Variants in CABP5 observed in about 807,000 individuals in gnomAD.
CABP5 encodes the protein calcium binding protein 5.
CABP5 carries 17 observed loss-of-function variants against 21.9 expected under a neutral mutation model. The observed-to-expected ratio is 0.78, with a 90% CI of 0.53 to 1.17. The LOEUF is 1.17. Among genes scored for constraint, CABP5 ranks in the 50% most tolerant of loss-of-function variants. CABP5 has a pLI of 0.00. For missense variants in CABP5, 229 were observed against 228.9 expected, an observed-to-expected ratio of 1.00 and a Z score of 0.00; for synonymous variants, 85 against 79.4, an observed-to-expected ratio of 1.07 and a Z score of -0.37.
At chr19:48,034,016 A>G (rs3745750) in intron 5 of CABP5, among the ~76,000 whole-genome samples, 199 bp downstream of exon 5, 45,886 of 152,000 alleles carry the variant, frequency 0.3, 7,819 homozygotes, top group Non-Finnish European at 0.38. Flanking sequence ...ACCAGAAGTG[A>G]GCGACACCCA....
At chr19:48,034,520 GT>G (rs35163057) in intron 4 of CABP5, among the ~76,000 whole-genome samples, 158 bp from the exon 5 acceptor site, 43,472 of 138,360 alleles carry the variant, frequency 0.31, 7,301 homozygotes, top group Non-Finnish European at 0.4. Flanking sequence ...GTTTTGTTCT[GT>G]TTTTTTTTTT....
chr19:48,031,626 T>C (rs1173957509), intron 5 of CABP5, among the ~76,000 whole-genome samples: 1 of 152,104 alleles, frequency 6.6e-6, no homozygotes, highest in Non-Finnish European at 1.5e-5. Context: ...ACTTTACAGA[T>C]AAGGAAACTT....
Position 48,039,336 on chromosome 19 carries a change from G to C in CABP5, c.239-19C>G, listed in dbSNP as rs781264120. The C allele has an allele frequency of 1.9e-6, 3 of 1,590,888 alleles. No homozygotes were observed. The African/African-American group carries it at 4.0e-5, about 21-fold the overall frequency. ...CCACCCACTGAGGAAGATGGCACAGGATTAGCGAGACCCCACAAGCCCTGG... is the reference window on the plus strand; with the variant it reads ...CCACCCACTGAGGAAGATGGCACAGCATTAGCGAGACCCCACAAGCCCTGG... On this transcript the variant is annotated intron_variant, in intron 3 of 5. Coordinates refer to ENST00000293255, the MANE Select transcript of CABP5 (RefSeq NM_019855.5).
chr19:48,041,896 G>C (rs1423094272), intron 1 of CABP5, among the ~76,000 whole-genome samples: 1 of 151,988 alleles, frequency 6.6e-6, no homozygotes, highest in African/African-American at 2.4e-5. Context: ...TAAACACTGG[G>C]GAGTCCAATC....
At chr19:48,037,356 C>A (rs1237441734) in intron 4 of CABP5, among the ~76,000 whole-genome samples, 2 of 140,136 alleles carry the variant, frequency 1.4e-5, no homozygotes, top group Non-Finnish European at 3.0e-5. Flanking sequence ...GCAACCTCTG[C>A]CTCCCGGGTT....
chr19:48,035,846 C>T (rs565729217), intron 4 of CABP5, among the ~76,000 whole-genome samples: 1 of 152,212 alleles, frequency 6.6e-6, no homozygotes, highest in East Asian at 1.9e-4. Context: ...TGTCATGGGA[C>T]GTTGTCAGGA....
At chr19:48,031,521 C>T (rs1037582037) in intron 5 of CABP5, among the ~76,000 whole-genome samples, 22 of 152,240 alleles carry the variant, frequency 1.4e-4, no homozygotes, top group Admixed American at 5.2e-4. Context: ...GCCTGGGTGA[C>T]GGAGTGAGAC....
rs1967318240 is a variant in CABP5 at position 48,029,898 on chromosome 19, C to T, written c.*659G>A. 1 of 151,810 alleles carries T rather than the reference C, an allele frequency of 6.6e-6. No homozygotes were observed. The highest frequency in any genetic ancestry group is 1.9e-4 in the East Asian group (1 of 5,174). 9.4% of individuals were successfully genotyped at this position (151,810 alleles called of 1,614,324 possible). On this transcript the variant is annotated 3_prime_UTR_variant, in exon 6 of 6. Coordinates refer to ENST00000293255, the MANE Select transcript of CABP5 (RefSeq NM_019855.5). ...AGGAGTTGACTTTGAATGCCACTTG[C>T]ACGAGCCATTTCCAAGCCCAGCCTC...
At chr19:48,032,193 C>T (rs899796901) in intron 5 of CABP5, among the ~76,000 whole-genome samples, 13 of 151,758 alleles carry the variant, frequency 8.6e-5, no homozygotes, top group Non-Finnish European at 1.8e-4. Flanking sequence ...TGCCTAGGAA[C>T]GGAGGTTGGA....
In CABP5 at chr19:48,040,627, G is replaced by A. The variant is rs757439989; in HGVS notation, c.216C>T (p.Leu72=). The A allele has an allele frequency of 3.1e-6, 5 of 1,613,762 alleles. No individual in the cohort carries two copies. Among genetic ancestry groups the A allele is most frequent in the Admixed American group, 1.7e-5 (1 of 59,976 alleles). ...CACGGTTCATGCGGATTTGCTGGCCGAGCTCAATCAGTTCCATCTCCGTGG... is the reference window on the plus strand; with the variant it reads ...CACGGTTCATGCGGATTTGCTGGCCAAGCTCAATCAGTTCCATCTCCGTGG... ...YMPTEMELIE[L]GQQIRMNLGG... Residue 72 remains leucine, a synonymous_variant, in exon 3 of 6, where the codon CTC becomes CTT. Transcript: ENST00000293255.
chr19:48,043,882 T>A lies in CABP5; in HGVS notation c.41A>T (p.Lys14Ile). ...PMGPACIFLR[K>I]GIAEKQRERP... ...CACCCGCTGTTTCTCAGCAATGCCT[T>A]TCCTCAAGAAGATGCAGGCGGGGCC... is the stretch of plus-strand genomic sequence containing the variant. The change falls in exon 1 of 6, where the codon AAA becomes ATA. Residue 14 changes from lysine to isoleucine, a missense_variant. Coordinates refer to ENST00000293255, the MANE Select transcript of CABP5 (RefSeq NM_019855.5). 1 of 1,500,418 alleles carries A rather than the reference T, an allele frequency of 6.7e-7. No individual in the cohort carries two copies. The allele number at this position is 1,500,418 out of a possible 1,614,324, so 92.9% of individuals were successfully genotyped here.
intron 4 of CABP5, among the ~76,000 whole-genome samples, chr19:48,038,766 G>A (rs1212730439): frequency 1.3e-5 from 2 of 152,104 alleles, no homozygotes; most frequent in Non-Finnish European, 2.9e-5. Flanking sequence ...GGCAGAGGTT[G>A]TAGTGAGCCG....
chr19:48,038,811 A>G (rs1167699196), intron 4 of CABP5, among the ~76,000 whole-genome samples: 1 of 151,870 alleles, frequency 6.6e-6, no homozygotes, highest in Non-Finnish European at 1.5e-5. Flanking sequence ...TGGGGACAAC[A>G]GTGAAACCCC....
intron 4 of CABP5, among the ~76,000 whole-genome samples, 182 bp from the exon 5 acceptor site, chr19:48,034,544 C>CTT (rs1209870200): frequency 6.0e-5 from 6 of 99,704 alleles, no homozygotes; most frequent in African/African-American, 9.9e-5. Flanking sequence ...TTTTTTCTTT[C>CTT]TTTTTTTTTT....
chr19:48,036,912 G>T (rs1255420669), intron 4 of CABP5, among the ~76,000 whole-genome samples: 1 of 152,188 alleles, frequency 6.6e-6, no homozygotes, highest in Non-Finnish European at 1.5e-5. Context: ...CATCTGTTAG[G>T]ATGGCTACTG....
intron 5 of CABP5, 34 bp from the exon 6 acceptor site, chr19:48,030,616 T>A: frequency 6.2e-7 from 1 of 1,608,310 alleles, no homozygotes; most frequent in Non-Finnish European, 8.5e-7. Context: ...CAGTAAGGCA[T>A]CTCGTTGTAA....
In CABP5 at chr19:48,029,831, A is replaced by AGAGAGAGAGAGAGAGAGG. The variant is rs1340907930; in HGVS notation, c.*725_*726insCCTCTCTCTCTCTCTCTC. The AGAGAGAGAGAGAGAGAGG allele has an allele frequency of 1.2e-3, 187 of 151,556 alleles. 2 individuals carry two copies. The highest frequency in any genetic ancestry group is 3.4e-3 in the Middle Eastern group (1 of 292). The allele number at this position is 151,556 out of a possible 1,614,324, so 9.4% of individuals were successfully genotyped here. A position where few individuals can be genotyped will look rare whatever the true frequency, so the allele number is the denominator to read the frequency against. On this transcript the variant is annotated 3_prime_UTR_variant, in exon 6 of 6. Coordinates refer to ENST00000293255, the MANE Select transcript of CABP5 (RefSeq NM_019855.5). ...GAGAGAGAGAGAGAGAGAGAGAGAG[A>AGAGAGAGAGAGAGAGAGG]GAGAGAAACCAGACAGTGCTTCCAG...
At chr19:48,034,126 A>AG (rs775175147) in intron 5 of CABP5, 89 bp downstream of exon 5, 142 of 1,319,558 alleles carry the variant, frequency 1.1e-4, no homozygotes, top group Non-Finnish European at 1.3e-4. Context: ...AGTGAGAAGG[A>AG]GTGGCCAACT....
At chr19:48,033,309 G>GC (rs71334254) in intron 5 of CABP5, among the ~76,000 whole-genome samples, 46,176 of 151,930 alleles carry the variant, frequency 0.3, 7,854 homozygotes, top group Non-Finnish European at 0.38. Context: ...CGGCCGACAT[G>GC]CCTTCCTATG....
Sources: gnomAD v4.1 joint callset for allele counts (sites outside exome capture counted in the v4.1 genomes callset) on GRCh38, gnomAD v4.1.1 for gene constraint, MANE v1.5 for transcripts, NCBI Gene and HGNC (gene_info 2026-07-23, HGNC 2026-07-21) for gene names.